The following PRKCE variants were observed in gnomAD, a reference collection of about 807,000 sequenced individuals.
PRKCE encodes protein kinase C epsilon type.
Under a neutral mutation model 85.4 loss-of-function variants are expected in PRKCE, and 16 were observed. The ratio of observed to expected loss-of-function variants is 0.19; its 90% CI spans 0.13 to 0.28. The LOEUF (loss-of-function observed/expected upper bound fraction) is 0.28. Ranked by LOEUF, PRKCE falls within the 10% of genes least tolerant of loss-of-function variation. The pLI is 1.00. For synonymous variants in PRKCE, 388 were observed against 371.5 expected (o/e 1.04, Z -0.51); for missense variants, 573 against 975.2 (o/e 0.59, Z 5.49).
chr2:45,874,182 TC>T (rs1694300602), intron 2 of PRKCE, among the ~76,000 whole-genome samples: 1 of 152,186 alleles, frequency 6.6e-6, no homozygotes, highest in African/African-American at 2.4e-5. Context: ...ACCCCAAACT[TC>T]CATCTCTCAC....
In PRKCE at chr2:45,967,877, T is replaced by A. The variant is rs539174244; in HGVS notation, c.413-8552T>A. On this transcript the variant is annotated intron_variant, in intron 2 of 14. Coordinates refer to ENST00000306156, the MANE Select transcript of PRKCE (RefSeq NM_005400.3). Reference sequence around the variant, plus strand: ...GGCAGGTTTTGGGAAAGGACAAAATTTGTCCAGTCTGCTAATACCTCATTC... The same window carrying A: ...GGCAGGTTTTGGGAAAGGACAAAATATGTCCAGTCTGCTAATACCTCATTC... 3.9e-5 allele frequency among the ~76,000 whole-genome samples: 6 copies of A among 152,150 alleles called. No individual in the cohort carries two copies. In the South Asian group the frequency reaches 1.0e-3, roughly 26 times the overall value.
intron 10 of PRKCE, among the ~76,000 whole-genome samples, chr2:46,026,044 C>A (rs575364266): frequency 7.9e-5 from 12 of 152,166 alleles, no homozygotes; most frequent in Non-Finnish European, 1.8e-4. Context: ...TCTTGTGCAT[C>A]CATATCCCAG....
At chr2:45,891,850 A>T (rs1695745825) in intron 2 of PRKCE, among the ~76,000 whole-genome samples, 1 of 152,198 alleles carries the variant, frequency 6.6e-6, no homozygotes, top group Admixed American at 6.5e-5. Context: ...ACGCTAGCCC[A>T]GGTGCTCCTC....
intron 11 of PRKCE, among the ~76,000 whole-genome samples, chr2:46,135,030 G>A (rs1321823913): frequency 2.0e-5 from 3 of 152,200 alleles, no homozygotes; most frequent in Non-Finnish European, 4.4e-5. Context: ...TACAGCCACA[G>A]GCTGTTTATT....
intron 1 of PRKCE, among the ~76,000 whole-genome samples, chr2:45,781,679 A>G (rs1274354519): frequency 6.6e-6 from 1 of 151,988 alleles, no homozygotes; most frequent in Non-Finnish European, 1.5e-5. Flanking sequence ...GAACAGCTAC[A>G]TCTGATAATG....
chr2:46,154,682 C>A (rs1312364392), intron 13 of PRKCE, among the ~76,000 whole-genome samples: 1 of 151,648 alleles, frequency 6.6e-6, no homozygotes, highest in African/African-American at 2.4e-5. Context: ...CTGCTGCCCT[C>A]TTAGTGCCAA....
chr2:45,744,869 A>G (rs1028529408), intron 1 of PRKCE, among the ~76,000 whole-genome samples: 2 of 152,170 alleles, frequency 1.3e-5, no homozygotes, highest in Non-Finnish European at 2.9e-5. Context: ...TTGGCCTCCC[A>G]AAGTGCTGGG....
intron 14 of PRKCE, among the ~76,000 whole-genome samples, chr2:46,173,244 G>A (rs550890483): frequency 1.4e-4 from 22 of 152,272 alleles, no homozygotes; most frequent in Admixed American, 9.8e-4. Context: ...AAGTTTTATC[G>A]GAACACAGCC....
At chr2:45,807,685 C>T (rs1173457560) in intron 1 of PRKCE, among the ~76,000 whole-genome samples, 1 of 152,142 alleles carries the variant, frequency 6.6e-6, no homozygotes, top group Non-Finnish European at 1.5e-5. Flanking sequence ...AAAGCCAGAA[C>T]TCTGCACCAG....
chr2:45,784,651 C>T (rs893659069), intron 1 of PRKCE, among the ~76,000 whole-genome samples: 6 of 151,928 alleles, frequency 3.9e-5, no homozygotes, highest in African/African-American at 1.5e-4. Flanking sequence ...TTTAAACAAA[C>T]CTTTTTATTT....
At chr2:45,898,267 G>A (rs1177478657) in intron 2 of PRKCE, among the ~76,000 whole-genome samples, 1 of 152,204 alleles carries the variant, frequency 6.6e-6, no homozygotes, top group East Asian at 1.9e-4. Flanking sequence ...CACCTCTGAA[G>A]GGAGGAGTAA....
At chr2:46,018,224 G>A (rs527260666) in intron 10 of PRKCE, among the ~76,000 whole-genome samples, 1 of 152,336 alleles carries the variant, frequency 6.6e-6, no homozygotes, top group South Asian at 2.1e-4. Flanking sequence ...AGTAGGATGA[G>A]GCCCTCACAC....
At chr2:45,723,259 C>A (rs1305263020) in intron 1 of PRKCE, among the ~76,000 whole-genome samples, 13 of 152,156 alleles carry the variant, frequency 8.5e-5, no homozygotes, top group Admixed American at 6.5e-4. Flanking sequence ...TAGAAAATGC[C>A]GTGACTCCTC....
rs745748020 is a variant in PRKCE at position 46,007,488 on chromosome 2, C to A, written c.1090C>A (p.Arg364=). 6.3e-6 allele frequency: 10 copies of A among 1,599,766 alleles called. No individual in the cohort carries two copies. The highest frequency in any genetic ancestry group is 8.5e-6 in the Non-Finnish European group (10 of 1,179,962). ...QEIKELENNI[R]KALSFDNRGE... ...AATAAAAGAACTTGAGAACAACATT[C>A]GGAAAGCCTTGTCATTTGACAACCG... Residue 364 remains arginine (R), a synonymous_variant, in exon 9 of 15, where the codon CGG becomes AGG. Coordinates refer to ENST00000306156, the MANE Select transcript of PRKCE (RefSeq NM_005400.3).
chr2:45,761,053 CAT>C (rs1684431992), intron 1 of PRKCE, among the ~76,000 whole-genome samples: 1 of 152,050 alleles, frequency 6.6e-6, no homozygotes, highest in African/African-American at 2.4e-5. Context: ...TAAGGCCGGG[CAT>C]GGTGGCTCAC....
At chr2:45,791,626 G>A (rs942765612) in intron 1 of PRKCE, among the ~76,000 whole-genome samples, 1 of 152,230 alleles carries the variant, frequency 6.6e-6, no homozygotes, top group Non-Finnish European at 1.5e-5. Flanking sequence ...AATACCTGCA[G>A]AATTAAATTC....
At chr2:45,856,767 CT>C (rs34861059) in intron 2 of PRKCE, among the ~76,000 whole-genome samples, 2 of 152,192 alleles carry the variant, frequency 1.3e-5, no homozygotes. Flanking sequence ...ATGAGATCAA[CT>C]TTTTAAGATT....
At chr2:46,005,525 G>C (rs554563511) in intron 8 of PRKCE, among the ~76,000 whole-genome samples, 1 of 152,166 alleles carries the variant, frequency 6.6e-6, no homozygotes, top group Non-Finnish European at 1.5e-5. Context: ...TAGTGAGTGG[G>C]AAGTGGGAGG....
rs149080534 is a variant in PRKCE at position 45,750,484 on chromosome 2, A to C, written c.349-92516A>C. ...CCTTGGTGTAGAGCTGTGCCCCTGC[A>C]TAGGGAACTGAGTCCCAAGGTGGGT... On this transcript the variant is annotated intron_variant, in intron 1 of 14. Coordinates refer to ENST00000306156, the MANE Select transcript of PRKCE (RefSeq NM_005400.3). 5.8e-3 allele frequency among the ~76,000 whole-genome samples: 877 copies of C among 151,566 alleles called. 7 individuals carry two copies. The highest frequency in any genetic ancestry group is 0.02 in the African/African-American group (838 of 41,268).
Sources: gnomAD v4.1 joint callset for allele counts (sites outside exome capture counted in the v4.1 genomes callset) on GRCh38, gnomAD v4.1.1 for gene constraint, MANE v1.5 for transcripts, NCBI Gene and HGNC (gene_info 2026-07-23, HGNC 2026-07-21) for gene names.